Variants in IPMK observed in about 807,000 individuals in gnomAD.
IPMK encodes inositol 1,3,4,6-tetrakisphosphate 5-kinase.
A neutral mutation model predicts 45.8 loss-of-function variants in IPMK; 17 were observed. That is an observed-to-expected ratio of 0.37 (90% CI 0.25 to 0.56). The LOEUF is 0.56. IPMK is among the 20% of genes least tolerant of loss of function. IPMK has a pLI of 0.79. For missense variants in IPMK, 399 were observed against 498.0 expected, an observed-to-expected ratio of 0.80 and a Z score of 1.89; for synonymous variants, 180 against 184.3, an observed-to-expected ratio of 0.98 and a Z score of 0.19.
chr10:58,259,613 G>C (rs751116088), intron 1 of IPMK, among the ~76,000 whole-genome samples: 2 of 146,422 alleles, frequency 1.4e-5, no homozygotes, highest in South Asian at 4.3e-4. Context: ...TGGGTGGATC[G>C]CATGAGCTCA....
rs1839177540 is a variant in IPMK, at chr10:58,267,814, C to A, written c.-203G>T. The stretch of plus-strand genomic sequence containing the variant: ...CTCCTCTGCCCAACTCTCGGCGGAA[C>A]GCGGCTCCCGGCTCCTGTTCCTCTG... On this transcript the variant is annotated 5_prime_UTR_variant, in exon 1 of 6. Coordinates refer to ENST00000373935, the MANE Select transcript of IPMK (RefSeq NM_152230.5). 2.0e-6 allele frequency: 1 copy of A among 507,716 alleles called. No individual in the cohort carries two copies. The highest frequency in any genetic ancestry group is 3.4e-6 in the Non-Finnish European group (1 of 290,376). 31.5% of individuals were successfully genotyped at this position (507,716 alleles called of 1,614,324 possible).
chr10:58,240,344 A>G (rs558239409), intron 1 of IPMK, among the ~76,000 whole-genome samples: 399 of 150,500 alleles, frequency 2.7e-3, no homozygotes, highest in Non-Finnish European at 4.3e-3. Context: ...AAATATCTAA[A>G]TTAAAGAAAA....
intron 4 of IPMK, 63 bp downstream of exon 4, chr10:58,216,082 A>G (rs978528142): frequency 1.2e-5 from 13 of 1,087,690 alleles, no homozygotes; most frequent in Middle Eastern, 4.3e-4. Flanking sequence ...AATGACATCC[A>G]TAATTTTCAA....
At chr10:58,260,208 A>G (rs543202065) in intron 1 of IPMK, among the ~76,000 whole-genome samples, 11 of 152,374 alleles carry the variant, frequency 7.2e-5, no homozygotes, top group African/African-American at 2.4e-4. Flanking sequence ...CTGAACTTAA[A>G]GGACATTCTA....
At chr10:58,213,230 A>G (rs1838192076) in intron 4 of IPMK, among the ~76,000 whole-genome samples, 2 of 152,246 alleles carry the variant, frequency 1.3e-5, no homozygotes, top group South Asian at 4.1e-4. Flanking sequence ...GTAAGTTGTT[A>G]GATGTACATA....
chr10:58,250,199 T>A (rs1398279521), intron 1 of IPMK, among the ~76,000 whole-genome samples: 4 of 152,308 alleles, frequency 2.6e-5, no homozygotes, highest in South Asian at 4.1e-4. Context: ...AATTTAGGAC[T>A]TTTTTCTATT....
At chr10:58,265,975 T>C (rs943022240) in intron 1 of IPMK, among the ~76,000 whole-genome samples, 1 of 152,212 alleles carries the variant, frequency 6.6e-6, no homozygotes, top group African/African-American at 2.4e-5. Flanking sequence ...TTATTAGGAA[T>C]AGTAAAATCA....
At chr10:58,223,780 A>C (rs1838372493) in intron 3 of IPMK, among the ~76,000 whole-genome samples, 1 of 152,122 alleles carries the variant, frequency 6.6e-6, no homozygotes, top group Non-Finnish European at 1.5e-5. Context: ...TTTTCCCCCA[A>C]GCTGTTCTCA....
chr10:58,267,834 C>T lies in IPMK; in HGVS notation c.-223G>A, dbSNP rs935161018. The T allele has an allele frequency of 1.5e-5, 7 of 482,604 alleles. No individual in the cohort carries two copies. Among genetic ancestry groups the T allele is most frequent in the Non-Finnish European group, 2.2e-5 (6 of 275,532 alleles). The allele number at this position is 482,604 out of a possible 1,614,324, so 29.9% of individuals were successfully genotyped here. On this transcript the variant is annotated 5_prime_UTR_variant, in exon 1 of 6. Coordinates refer to ENST00000373935, the MANE Select transcript of IPMK (RefSeq NM_152230.5). The stretch of plus-strand genomic sequence containing the variant: ...CGGAACGCGGCTCCCGGCTCCTGTT[C>T]CTCTGCCGCCGCAGCCGCCGGCCCC...
intron 1 of IPMK, among the ~76,000 whole-genome samples, chr10:58,249,230 G>A (rs762635001): frequency 9.2e-5 from 14 of 152,072 alleles, no homozygotes; most frequent in Non-Finnish European, 1.6e-4. Flanking sequence ...ATATGTTGTT[G>A]TTGTTTTTGA....
intron 5 of IPMK, among the ~76,000 whole-genome samples, chr10:58,197,571 A>G (rs945184760): frequency 1.3e-5 from 2 of 151,214 alleles, no homozygotes; most frequent in African/African-American, 2.4e-5. Context: ...AACGGCGTGA[A>G]CCCAGAAGGC....
intron 4 of IPMK, among the ~76,000 whole-genome samples, chr10:58,207,372 G>A (rs948117029): frequency 6.6e-5 from 10 of 152,212 alleles, no homozygotes; most frequent in African/African-American, 2.4e-4. Flanking sequence ...CTATAAACAT[G>A]CATATGCAAG....
intron 1 of IPMK, among the ~76,000 whole-genome samples, chr10:58,244,392 T>G (rs1838759272): frequency 2.7e-5 from 2 of 73,464 alleles, no homozygotes; most frequent in African/African-American, 1.7e-4. Flanking sequence ...GCCCGGCCGC[T>G]CCTCGTCTGG....
chr10:58,243,455 G>A (rs867911782), intron 1 of IPMK, among the ~76,000 whole-genome samples: 16 of 152,088 alleles, frequency 1.1e-4, no homozygotes, highest in African/African-American at 3.9e-4. Context: ...CTGCAACCTC[G>A]CTGCCTCGGG....
At chr10:58,262,394 G>T (rs1311974670) in intron 1 of IPMK, among the ~76,000 whole-genome samples, 1 of 152,082 alleles carries the variant, frequency 6.6e-6, no homozygotes, top group Non-Finnish European at 1.5e-5. Flanking sequence ...ACAGAAGAAG[G>T]GAAATACAAA....
At position 58,196,680 on chromosome 10, in the gene IPMK, T is replaced by C. The variant is rs1296985880; in HGVS notation, c.647A>G (p.His216Arg). ...TIKDGVSRFF[H>R]NGYCLRKDAV... ...ATCTTTTCTTAAGCAGTACCCATTA[T>C]GAAAAAATCTGGAGACTCCTATAAA... is the stretch of plus-strand genomic sequence containing the variant. Residue 216 changes from histidine to arginine, a missense_variant, in exon 6 of 6, where the codon CAT becomes CGT. His to Arg is a conservative substitution (Grantham distance 29). Transcript: ENST00000373935. 2 of 1,578,752 alleles carry C rather than the reference T, an allele frequency of 1.3e-6. No individual in the cohort carries two copies. Among genetic ancestry groups the C allele is most frequent in the Non-Finnish European group, 1.7e-6 (2 of 1,167,732 alleles).
chr10:58,218,059 C>T (rs1255290454), intron 3 of IPMK, among the ~76,000 whole-genome samples: 1 of 152,108 alleles, frequency 6.6e-6, no homozygotes, highest in East Asian at 1.9e-4. Context: ...ACAAGAGATA[C>T]TTTTTATGCT....
At chr10:58,214,569 G>T (rs1277976190) in intron 4 of IPMK, among the ~76,000 whole-genome samples, 4 of 152,062 alleles carry the variant, frequency 2.6e-5, no homozygotes, top group African/African-American at 4.8e-5. Flanking sequence ...TGAAATAACT[G>T]CTTGAACAAT....
At chr10:58,257,227 G>T (rs1406697358) in intron 1 of IPMK, among the ~76,000 whole-genome samples, 1 of 152,158 alleles carries the variant, frequency 6.6e-6, no homozygotes, top group Non-Finnish European at 1.5e-5. Flanking sequence ...AGGCCCGGTG[G>T]CTCACACCTG....
Sources: allele counts gnomAD v4.1 joint callset (sites outside exome capture counted in the v4.1 genomes callset), GRCh38; gene constraint gnomAD v4.1.1; transcripts MANE v1.5; gene names NCBI Gene and HGNC (gene_info 2026-07-23, HGNC 2026-07-21).